Variants in PPP1R9A observed in about 807,000 individuals in gnomAD.
The protein encoded by PPP1R9A is neurabin-1.
Under a neutral mutation model 141.9 loss-of-function variants are expected in PPP1R9A, and 59 were observed. The observed-to-expected ratio is 0.42, with a 90% CI of 0.34 to 0.52. The LOEUF is 0.52. Ranked by LOEUF, PPP1R9A falls within the 20% of genes least tolerant of loss-of-function variation. The pLI is 0.10. For synonymous variants in PPP1R9A, 500 were observed against 569.7 expected (o/e 0.88, Z 1.74); for missense variants, 1,444 against 1,611.9 (o/e 0.90, Z 1.78).
At chr7:95,258,846 T>C (rs10953141) in intron 12 of PPP1R9A, among the ~76,000 whole-genome samples, 21,851 of 152,134 alleles carry the variant, frequency 0.14, 1,778 homozygotes, top group Admixed American at 0.21. Flanking sequence ...GGAAAATTCA[T>C]AAAACTGTTT....
chr7:94,908,109 G>C (rs1258317625), intron 1 of PPP1R9A: 1 of 150,404 alleles, frequency 6.6e-6, no homozygotes, highest in Non-Finnish European at 1.5e-5. Flanking sequence ...GCGGCGGCCC[G>C]ACCCTCCCCG....
chr7:94,923,301 A>G (rs1431712067), intron 2 of PPP1R9A, among the ~76,000 whole-genome samples: 1 of 152,204 alleles, frequency 6.6e-6, no homozygotes, highest in Non-Finnish European at 1.5e-5. Context: ...ATTTGAAGTG[A>G]AACATATTTT....
chr7:95,189,563 A>G (rs1322458331), intron 5 of PPP1R9A, among the ~76,000 whole-genome samples: 4 of 147,480 alleles, frequency 2.7e-5, no homozygotes, highest in East Asian at 4.0e-4. Context: ...CAGCCTCCCA[A>G]GTAGCTGGGA....
At chr7:94,968,329 C>T (rs1188293706) in intron 2 of PPP1R9A, among the ~76,000 whole-genome samples, 1 of 151,894 alleles carries the variant, frequency 6.6e-6, no homozygotes, top group Admixed American at 6.6e-5. Flanking sequence ...CCCGCCACTA[C>T]GCCCGGCTAA....
intron 4 of PPP1R9A, among the ~76,000 whole-genome samples, chr7:95,123,155 G>A (rs957258717): frequency 1.5e-4 from 22 of 151,662 alleles, no homozygotes; most frequent in African/African-American, 5.1e-4. Context: ...TTTAAAATTA[G>A]GTTTGCTTTC....
intron 6 of PPP1R9A, among the ~76,000 whole-genome samples, chr7:95,200,003 GCCAGGCTTT>G (rs1789186584): frequency 6.6e-6 from 1 of 151,916 alleles, no homozygotes; most frequent in South Asian, 2.1e-4. Context: ...AGGGGACATG[GCCAGGCTTT>G]CTAGTCTGTG....
At chr7:94,945,693 A>C (rs1230585763) in intron 2 of PPP1R9A, among the ~76,000 whole-genome samples, 1 of 152,082 alleles carries the variant, frequency 6.6e-6, no homozygotes, top group African/African-American at 2.4e-5. Flanking sequence ...GAATCAATAA[A>C]GATATAAACT....
intron 5 of PPP1R9A, among the ~76,000 whole-genome samples, chr7:95,183,739 G>A (rs151187122): frequency 4.0e-5 from 6 of 151,824 alleles, no homozygotes; most frequent in African/African-American, 9.7e-5. Context: ...GAGCCACAGC[G>A]CCCAGCCAAA....
At chr7:95,130,509 C>A (rs2152523153) in intron 4 of PPP1R9A, among the ~76,000 whole-genome samples, 1 of 152,268 alleles carries the variant, frequency 6.6e-6, no homozygotes, top group East Asian at 1.9e-4. Flanking sequence ...TCAGAGCCCC[C>A]ACACAGAATT....
At chr7:94,977,375 A>T (rs1799569198) in intron 2 of PPP1R9A, among the ~76,000 whole-genome samples, 1 of 152,180 alleles carries the variant, frequency 6.6e-6, no homozygotes, top group South Asian at 2.1e-4. Flanking sequence ...AGAATAGCTG[A>T]GGTAGATGGT....
At chr7:94,940,749 A>G (rs991383196) in intron 2 of PPP1R9A, among the ~76,000 whole-genome samples, 18 of 152,020 alleles carry the variant, frequency 1.2e-4, no homozygotes, top group Non-Finnish European at 2.9e-5. Context: ...ATTATATATA[A>G]TATTGATTTC....
At chr7:94,976,959 C>A (rs6950265) in intron 2 of PPP1R9A, among the ~76,000 whole-genome samples, 36,686 of 151,742 alleles carry the variant, frequency 0.24, 5,317 homozygotes, top group South Asian at 0.41. Flanking sequence ...GTGTGTGTTG[C>A]GATATATTGG....
intron 4 of PPP1R9A, among the ~76,000 whole-genome samples, chr7:95,125,919 T>A (rs1322905632): frequency 1.3e-5 from 2 of 152,122 alleles, no homozygotes; most frequent in Non-Finnish European, 2.9e-5. Context: ...ATTCACCCCC[T>A]CTTAGGACCC....
chr7:95,236,283 TG>T lies in PPP1R9A; in HGVS notation c.2112+10169del, dbSNP rs529066632. Reference sequence around the variant, plus strand: ...TAGATAAGATAGAAAGTTCCGTTCCTGGAAGTTTGTTATTATTCAGCTTTTA... The same window carrying T: ...TAGATAAGATAGAAAGTTCCGTTCCTGAAGTTTGTTATTATTCAGCTTTTA... On this transcript the variant is annotated intron_variant, in intron 8 of 19. Transcript: ENST00000433360. Among the ~76,000 whole-genome samples the T allele has an allele frequency of 3.9e-5, 6 of 152,254 alleles. No individual in the cohort carries two copies. In the East Asian group the frequency reaches 1.2e-3, roughly 29 times the overall value.
chr7:95,220,972 G>A (rs941436364), intron 7 of PPP1R9A, among the ~76,000 whole-genome samples: 13 of 152,164 alleles, frequency 8.5e-5, no homozygotes, highest in African/African-American at 3.1e-4. Context: ...AATATAAGTA[G>A]AGGAACAGGT....
chr7:95,284,148 C>G lies in PPP1R9A; in HGVS notation c.3427C>G (p.Leu1143Val). The G allele has an allele frequency of 6.3e-7, 1 of 1,589,478 alleles. No individual in the cohort carries two copies. The highest frequency in any genetic ancestry group is 8.5e-7 in the Non-Finnish European group (1 of 1,170,702). The change falls in exon 17 of 20, where the codon CTG (leucine) becomes GTG (valine). Residue 1143 changes from leucine to valine, a missense_variant. Physicochemically the swap from Leu to Val is conservative, Grantham distance 32. Around this residue, in one of 5 missense-constraint regions of PPP1R9A, gnomAD observed 459 missense variants for 513.8 expected, o/e 0.89. Coordinates refer to ENST00000433360, the MANE Select transcript of PPP1R9A (RefSeq NM_001166160.2). ...SRKGSYSFRN[L>V]PAPTSSLQPS... Reference sequence around the variant, plus strand: ...GAAAGGATCCTATTCCTTCAGGAACCTGCCTGCGCCTACAAGTTCCCTTCA... The same window carrying G: ...GAAAGGATCCTATTCCTTCAGGAACGTGCCTGCGCCTACAAGTTCCCTTCA...
At chr7:95,102,349 A>G (rs1447442395) in intron 2 of PPP1R9A, among the ~76,000 whole-genome samples, 3 of 152,226 alleles carry the variant, frequency 2.0e-5, no homozygotes, top group African/African-American at 7.2e-5. Flanking sequence ...TAGTTAACTT[A>G]CCATCAAATG....
intron 10 of PPP1R9A, among the ~76,000 whole-genome samples, 188 bp downstream of exon 10, chr7:95,250,443 A>G (rs1198405407): frequency 2.6e-5 from 4 of 152,132 alleles, no homozygotes; most frequent in African/African-American, 7.2e-5. Flanking sequence ...TCATGAGATT[A>G]TGTTTTGTAT....
chr7:94,920,270 G>A (rs1424151641), intron 2 of PPP1R9A, among the ~76,000 whole-genome samples: 3 of 151,916 alleles, frequency 2.0e-5, no homozygotes, highest in African/African-American at 4.8e-5. Flanking sequence ...AGAAAGAAAT[G>A]TTTTGTAATA....
Sources: gnomAD v4.1 joint callset for allele counts (sites outside exome capture counted in the v4.1 genomes callset) on GRCh38, gnomAD v4.1.1 for gene constraint, gnomAD v4.1.1 regional missense constraint, MANE v1.5 for transcripts, NCBI Gene and HGNC (gene_info 2026-07-23, HGNC 2026-07-21) for gene names.